The following PYGO1 variants were observed in gnomAD, a reference collection of about 807,000 sequenced individuals.
PYGO1 encodes pygopus homolog 1.
PYGO1 carries 6 observed loss-of-function variants against 29.5 expected under a neutral mutation model. The ratio of observed to expected loss-of-function variants is 0.20; its 90% CI spans 0.11 to 0.40. PYGO1 has a LOEUF of 0.40. Among genes scored for constraint, PYGO1 ranks in the 10% least tolerant of loss-of-function variants. PYGO1 has a pLI of 1.00. For synonymous variants in PYGO1, 186 were observed against 180.5 expected (o/e 1.03, Z -0.24); for missense variants, 515 against 514.9 (o/e 1.00, Z 0.00).
intron 1 of PYGO1, among the ~76,000 whole-genome samples, chr15:55,549,893 A>G (rs2058871212): frequency 6.6e-6 from 1 of 152,136 alleles, no homozygotes; most frequent in Non-Finnish European, 1.5e-5. Flanking sequence ...TAACCATCAC[A>G]TCTCATCTTG....
chr15:55,575,495 T>C (rs569571365), intron 1 of PYGO1, among the ~76,000 whole-genome samples: 2 of 135,134 alleles, frequency 1.5e-5, no homozygotes, highest in Non-Finnish European at 3.3e-5. Flanking sequence ...TGCATACAAA[T>C]ACAAAGAAAA....
At position 55,588,136 on chromosome 15, in the gene PYGO1, C is replaced by T. The variant is rs2059057774; in HGVS notation, c.-253G>A. On this transcript the variant is annotated 5_prime_UTR_variant, in exon 1 of 3. Coordinates refer to ENST00000563719, the MANE Select transcript of PYGO1 (RefSeq NM_001367806.1). ...TCAGCGGCGGTGGCCGGGAGCGCGG[C>T]CTGGGGGCGGCCCCCCACCCGGGGC... 28 of 796,672 alleles carry T rather than the reference C, an allele frequency of 3.5e-5. No individual in the cohort carries two copies. The highest frequency in any genetic ancestry group is 6.4e-5 in the Admixed American group (1 of 15,660). The allele number at this position is 796,672 out of a possible 1,614,324, so 49.4% of individuals were successfully genotyped here. A position where few individuals can be genotyped will look rare whatever the true frequency, so the allele number is the denominator to read the frequency against.
chr15:55,579,435 G>C (rs530906340), intron 1 of PYGO1, among the ~76,000 whole-genome samples: 1 of 152,100 alleles, frequency 6.6e-6, no homozygotes, highest in African/African-American at 2.4e-5. Flanking sequence ...ATAGAAAAAG[G>C]TAATTCTTAA....
At chr15:55,561,264 T>C (rs28883602) in intron 1 of PYGO1, among the ~76,000 whole-genome samples, 48,281 of 152,042 alleles carry the variant, frequency 0.32, 7,955 homozygotes, top group South Asian at 0.42. Flanking sequence ...TAAATGGTGA[T>C]GGTAGAACTG....
chr15:55,553,946 C>G (rs1009492660), intron 1 of PYGO1, among the ~76,000 whole-genome samples: 1 of 151,948 alleles, frequency 6.6e-6, no homozygotes, highest in African/African-American at 2.4e-5. Context: ...GAAGTATGGC[C>G]TGAATGTTAA....
At chr15:55,559,164 G>A (rs1240480701) in intron 1 of PYGO1, among the ~76,000 whole-genome samples, 2 of 152,128 alleles carry the variant, frequency 1.3e-5, no homozygotes, top group African/African-American at 4.8e-5. Flanking sequence ...TCGAAACGCG[G>A]GTGAAGGATA....
At chr15:55,580,397 AT>A (rs1458228034) in intron 1 of PYGO1, among the ~76,000 whole-genome samples, 3 of 152,240 alleles carry the variant, frequency 2.0e-5, no homozygotes, top group African/African-American at 7.2e-5. Flanking sequence ...GATTGATTAA[AT>A]ATACCTAAAA....
At chr15:55,553,595 C>G (rs7167973) in intron 1 of PYGO1, among the ~76,000 whole-genome samples, 1,990 of 152,060 alleles carry the variant, frequency 0.013, 47 homozygotes, top group African/African-American at 0.045. Flanking sequence ...ATTTTTAGTA[C>G]AGATGGGGTT....
chr15:55,588,958 G>T, upstream of PYGO1: 1 of 1,005,510 alleles, frequency 9.9e-7, no homozygotes, highest in Non-Finnish European at 1.5e-6. Flanking sequence ...CTTCAAGAAA[G>T]AGCGACGTAG....
At position 55,544,082 on chromosome 15, in the gene PYGO1, T is replaced by G. The variant is rs1043691848; in HGVS notation, c.*1941A>C. Reference sequence around the variant, plus strand: ...ATTTTGTTTCCTAAAATTGTAAAGATAAATATTTTACAACTACTGAAAATA... The same window carrying G: ...ATTTTGTTTCCTAAAATTGTAAAGAGAAATATTTTACAACTACTGAAAATA... On this transcript the variant is annotated 3_prime_UTR_variant, in exon 3 of 3. Transcript: ENST00000563719. 2 of 152,172 alleles carry G rather than the reference T, an allele frequency of 1.3e-5. No homozygotes were observed. The highest frequency in any genetic ancestry group is 1.3e-4 in the Admixed American group (2 of 15,272). The allele number at this position is 152,172 out of a possible 1,614,324, so 9.4% of individuals were successfully genotyped here. A position where few individuals can be genotyped will look rare whatever the true frequency, so the allele number is the denominator to read the frequency against.
upstream of PYGO1, chr15:55,588,661 C>G (rs1258577310): frequency 2.9e-5 from 21 of 730,208 alleles, no homozygotes; most frequent in Non-Finnish European, 4.0e-5. Flanking sequence ...CCCTCGCCGA[C>G]CGCCAGGCCC....
At chr15:55,565,802 T>C (rs1348209003) in intron 1 of PYGO1, among the ~76,000 whole-genome samples, 1 of 152,108 alleles carries the variant, frequency 6.6e-6, no homozygotes, top group Non-Finnish European at 1.5e-5. Flanking sequence ...TTTTCTTTTC[T>C]TGAGACAGTC....
chr15:55,554,173 G>A (rs2058892640), intron 1 of PYGO1, among the ~76,000 whole-genome samples: 1 of 152,090 alleles, frequency 6.6e-6, no homozygotes. Context: ...GCACTGAACT[G>A]GGCTGAGGCA....
In PYGO1 at chr15:55,543,648, G is replaced by A. The variant is rs1424294160; in HGVS notation, c.*2375C>T. 6.6e-6 allele frequency: 1 copy of A among 152,132 alleles called. No individual in the cohort carries two copies. The highest frequency in any genetic ancestry group is 2.4e-5 in the African/African-American group (1 of 41,428). The allele number at this position is 152,132 out of a possible 1,614,324, so 9.4% of individuals were successfully genotyped here. A position where few individuals can be genotyped will look rare whatever the true frequency, so the allele number is the denominator to read the frequency against. The stretch of plus-strand genomic sequence containing the variant: ...AAACAGCTAACTACTGAAACTTAAA[G>A]AGATAAAGGGTTTAAGAAACTGCAT... On this transcript the variant is annotated 3_prime_UTR_variant, in exon 3 of 3. Transcript: ENST00000563719.
Position 55,547,117 on chromosome 15 carries a change from C to G in PYGO1, c.166G>C (p.Ala56Pro). The G allele has an allele frequency of 1.2e-6, 2 of 1,604,568 alleles. No individual in the cohort carries two copies. The highest frequency in any genetic ancestry group is 1.7e-5 in the Admixed American group (1 of 59,734). Residue 56 changes from alanine to proline, a missense_variant, in exon 3 of 3, where the codon GCT (alanine) becomes CCT (proline). By Grantham distance (27) the Ala-to-Pro change is conservative. Transcript: ENST00000563719. Reference sequence around the variant, plus strand: ...TCAGAGTTTGGATTCGGTGGTGGAGCATACTCAGACAATGGAGGGAAAGAA... The same window carrying G: ...TCAGAGTTTGGATTCGGTGGTGGAGGATACTCAGACAATGGAGGGAAAGAA... ...GPSFPPLSEY[A>P]PPPNPNSDHL...
chr15:55,565,542 A>G (rs2058952088), intron 1 of PYGO1, among the ~76,000 whole-genome samples: 1 of 151,532 alleles, frequency 6.6e-6, no homozygotes, highest in African/African-American at 2.4e-5. Context: ...CATCTCTACT[A>G]AAAATAAAAA....
intron 1 of PYGO1, among the ~76,000 whole-genome samples, chr15:55,555,476 A>G (rs2058900120): frequency 7.2e-6 from 1 of 139,624 alleles, no homozygotes; most frequent in South Asian, 2.3e-4. Flanking sequence ...TCATGATGAC[A>G]GGATCAAATT....
rs1281074279 is a variant in PYGO1, at chr15:55,540,915, C to T, written c.*5108G>A. On this transcript the variant is annotated 3_prime_UTR_variant, in exon 3 of 3. Transcript: ENST00000563719. ...AGGAAGAAATAGTTTTAATATGAAA[C>T]AATCATTTAAGTCACATACATCATG... 2 of 152,118 alleles carry T rather than the reference C, an allele frequency of 1.3e-5. No individual in the cohort carries two copies. Among genetic ancestry groups the T allele is most frequent in the East Asian group, 3.8e-4 (2 of 5,204 alleles). 9.4% of individuals were successfully genotyped at this position (152,118 alleles called of 1,614,324 possible).
intron 1 of PYGO1, among the ~76,000 whole-genome samples, chr15:55,559,721 C>T (rs1417877255): frequency 1.3e-5 from 2 of 152,114 alleles, no homozygotes; most frequent in Non-Finnish European, 2.9e-5. Flanking sequence ...CAAAACCTGG[C>T]AGAGATAAAA....
Sources: allele counts gnomAD v4.1 joint callset (sites outside exome capture counted in the v4.1 genomes callset), GRCh38; gene constraint gnomAD v4.1.1; transcripts MANE v1.5; gene names NCBI Gene and HGNC (gene_info 2026-07-23, HGNC 2026-07-21).